Variants in QKI observed in about 807,000 individuals in gnomAD.
QKI encodes KH domain-containing RNA-binding protein QKI.
A neutral mutation model predicts 39.0 loss-of-function variants in QKI; 10 were observed. The ratio of observed to expected loss-of-function variants is 0.26; its 90% CI spans 0.16 to 0.43. QKI has a LOEUF of 0.43. Among genes scored for constraint, QKI ranks in the 20% least tolerant of loss-of-function variants. The pLI, the probability that QKI is intolerant of heterozygous loss-of-function variation, is 1.00. For missense variants in QKI, 218 were observed against 428.0 expected (o/e 0.51, Z 4.33); for synonymous variants, 204 against 155.4 (o/e 1.31, Z -2.33).
intron 4 of QKI, 42 bp from the exon 5 acceptor site, chr6:163,561,940 A>G (rs777728852): frequency 2.8e-6 from 4 of 1,447,430 alleles, no homozygotes; most frequent in Non-Finnish European, 3.8e-6. Flanking sequence ...ATATTTGTGG[A>G]CAGTCTCAAA....
chr6:163,554,711 A>C (rs1040970589), intron 4 of QKI, among the ~76,000 whole-genome samples: 1 of 152,166 alleles, frequency 6.6e-6, no homozygotes, highest in Non-Finnish European at 1.5e-5. Context: ...ACATTGTTCA[A>C]TTTCTCCTTT....
intron 4 of QKI, among the ~76,000 whole-genome samples, chr6:163,537,188 A>T (rs1363280815): frequency 6.6e-6 from 1 of 152,110 alleles, no homozygotes; most frequent in East Asian, 1.9e-4. Flanking sequence ...ACAGAATAAG[A>T]CCCTGTCCCT....
chr6:163,452,110 T>G (rs1282550318), intron 1 of QKI, among the ~76,000 whole-genome samples: 2 of 152,194 alleles, frequency 1.3e-5, no homozygotes, highest in African/African-American at 4.8e-5. Context: ...ACAGAGAGGT[T>G]GTAAGAAAGA....
intron 4 of QKI, among the ~76,000 whole-genome samples, chr6:163,553,065 T>A (rs1782355152): frequency 0.17 from 457 of 2,746 alleles, 1 homozygote; most frequent in South Asian, 0.31. Context: ...TTTTAATTTT[T>A]ATTTATTTAT....
intron 2 of QKI, among the ~76,000 whole-genome samples, chr6:163,463,160 A>C (rs1190970023): frequency 3.3e-5 from 5 of 152,222 alleles, no homozygotes; most frequent in Non-Finnish European, 7.3e-5. Flanking sequence ...ACATTTTGAA[A>C]GATTAACAAT....
At chr6:163,489,196 G>A (rs1197936397) in intron 3 of QKI, among the ~76,000 whole-genome samples, 1 of 149,014 alleles carries the variant, frequency 6.7e-6, no homozygotes, top group African/African-American at 2.5e-5. Context: ...GTATAGTGCT[G>A]TGTTGAAAAG....
chr6:163,536,727 A>T (rs1038245606), intron 4 of QKI, among the ~76,000 whole-genome samples: 6 of 152,258 alleles, frequency 3.9e-5, no homozygotes, highest in African/African-American at 1.4e-4. Flanking sequence ...GTCATAAGGT[A>T]AAATCAGTTC....
At chr6:163,540,183 C>T (rs926973537) in intron 4 of QKI, among the ~76,000 whole-genome samples, 2 of 151,246 alleles carry the variant, frequency 1.3e-5, no homozygotes, top group African/African-American at 4.9e-5. Context: ...CATTTTGTGC[C>T]CATTTTGTTA....
chr6:163,538,566 T>C (rs1449277213), intron 4 of QKI, among the ~76,000 whole-genome samples: 2 of 151,768 alleles, frequency 1.3e-5, no homozygotes, highest in African/African-American at 4.8e-5. Context: ...GGGAAGGAGA[T>C]TGGGTTTTAG....
intron 3 of QKI, among the ~76,000 whole-genome samples, chr6:163,504,304 T>C (rs1441044076): frequency 6.6e-6 from 1 of 152,168 alleles, no homozygotes; most frequent in African/African-American, 2.4e-5. Context: ...TACCTCTAGG[T>C]TTGTTCCTTT....
At chr6:163,538,284 T>C (rs1052839637) in intron 4 of QKI, among the ~76,000 whole-genome samples, 10 of 152,280 alleles carry the variant, frequency 6.6e-5, no homozygotes, top group South Asian at 4.1e-4. Context: ...AAAACAAATA[T>C]AGGCAATATT....
At chr6:163,498,188 T>TA (rs10650302) in intron 3 of QKI, among the ~76,000 whole-genome samples, 6,197 of 125,528 alleles carry the variant, frequency 0.049, 437 homozygotes, top group African/African-American at 0.16. Flanking sequence ...GCAGCTGTGG[T>TA]AAAAAAAAAA....
In QKI at chr6:163,477,020, GTTT is replaced by G. The variant is rs113406306; in HGVS notation, c.286-1749_286-1747del. Among the ~76,000 whole-genome samples, 264 of 54,100 alleles carry G rather than the reference GTTT, an allele frequency of 4.9e-3. 6 individuals carry two copies. The highest frequency in any genetic ancestry group is 0.04 in the East Asian group (5 of 124). The allele number at this position is 54,100 out of a possible 152,430, so 35.5% of individuals were successfully genotyped here. A position where few individuals can be genotyped will look rare whatever the true frequency, so the allele number is the denominator to read the frequency against. On this transcript the variant is annotated intron_variant, in intron 2 of 7. Coordinates refer to ENST00000361752, the MANE Select transcript of QKI (RefSeq NM_006775.3). ...TCCTTTTTTTGTTTTGTTTTGTTTT[GTTT>G]TTTTTTTTTTGAGACAGAGTCTCGC...
At chr6:163,452,226 C>G (rs1790620970) in intron 1 of QKI, among the ~76,000 whole-genome samples, 1 of 152,124 alleles carries the variant, frequency 6.6e-6, no homozygotes, top group East Asian at 1.9e-4. Context: ...CTTTTTTCCC[C>G]TGTTTATAAA....
intron 1 of QKI, among the ~76,000 whole-genome samples, chr6:163,434,022 C>T (rs1208280196): frequency 1.3e-5 from 2 of 152,030 alleles, no homozygotes; most frequent in Non-Finnish European, 2.9e-5. Flanking sequence ...GTGTGCTGTG[C>T]AGTCTTAGCA....
intron 2 of QKI, among the ~76,000 whole-genome samples, chr6:163,470,782 G>C (rs1792122566): frequency 6.6e-6 from 1 of 152,150 alleles, no homozygotes; most frequent in Admixed American, 6.6e-5. Context: ...AGAAGCATTT[G>C]AAGAGAGAAT....
chr6:163,448,777 C>T (rs1168368400), intron 1 of QKI, among the ~76,000 whole-genome samples: 1 of 151,758 alleles, frequency 6.6e-6, no homozygotes, highest in African/African-American at 2.4e-5. Flanking sequence ...TAGTAACTTG[C>T]TTTTTAATCT....
chr6:163,417,566 C>T (rs946101005), intron 1 of QKI, among the ~76,000 whole-genome samples: 1 of 152,236 alleles, frequency 6.6e-6, no homozygotes, highest in Admixed American at 6.5e-5. Context: ...AATTTTTAAT[C>T]TTTCAAATCC....
At chr6:163,458,036 A>C (rs1791058771) in intron 2 of QKI, among the ~76,000 whole-genome samples, 1 of 152,290 alleles carries the variant, frequency 6.6e-6, no homozygotes, top group South Asian at 2.1e-4. Flanking sequence ...GTGAACAGCA[A>C]GTACAGCTGA....
Sources: gnomAD v4.1 joint callset for allele counts (sites outside exome capture counted in the v4.1 genomes callset) on GRCh38, gnomAD v4.1.1 for gene constraint, MANE v1.5 for transcripts, NCBI Gene and HGNC (gene_info 2026-07-23, HGNC 2026-07-21) for gene names.